Variants in SNRK observed in about 807,000 individuals in gnomAD.
SNRK encodes the protein SNF related kinase, also known as SNF-related serine/threonine-protein kinase.
In SNRK, 3 loss-of-function variants were observed where a neutral mutation model predicts 48.2. The observed-to-expected ratio is 0.06, with a 90% CI of 0.03 to 0.16. The LOEUF (loss-of-function observed/expected upper bound fraction) is 0.16, where lower values mean the gene tolerates loss of function less well. Among genes scored for constraint, SNRK ranks in the 10% least tolerant of loss-of-function variants. The pLI, the probability that SNRK is intolerant of heterozygous loss-of-function variation, is 1.00. For missense variants in SNRK, 627 were observed against 976.0 expected, an observed-to-expected ratio of 0.64 and a Z score of 4.76; for synonymous variants, 376 against 366.1, an observed-to-expected ratio of 1.03 and a Z score of -0.31.
chr3:43,337,575 A>AT (rs970205010), intron 4 of SNRK, among the ~76,000 whole-genome samples: 9 of 151,522 alleles, frequency 5.9e-5, no homozygotes. Flanking sequence ...TTTTTTTTTA[A>AT]TTTTTTTGTA....
At chr3:43,298,283 T>C (rs1190781371) in intron 1 of SNRK, among the ~76,000 whole-genome samples, 2 of 152,190 alleles carry the variant, frequency 1.3e-5, no homozygotes, top group African/African-American at 4.8e-5. Context: ...CAGTACTTAT[T>C]ACTGTACTAC....
At chr3:43,300,993 A>G (rs895752698) in intron 2 of SNRK, among the ~76,000 whole-genome samples, 7 of 152,240 alleles carry the variant, frequency 4.6e-5, no homozygotes, top group African/African-American at 1.4e-4. Flanking sequence ...GCCTAGGCCA[A>G]GTTACTGTGC....
chr3:43,335,502 C>T (rs1195758755), intron 4 of SNRK, among the ~76,000 whole-genome samples: 1 of 152,020 alleles, frequency 6.6e-6, no homozygotes, highest in African/African-American at 2.4e-5. Flanking sequence ...TTGCTTATGG[C>T]CTAGCATAAG....
Position 43,299,785 on chromosome 3 carries a change from A to G in SNRK, c.-137A>G, listed in dbSNP as rs1195303901. On this transcript the variant is annotated 5_prime_UTR_variant, in exon 2 of 7. It adds an upstream start codon to the 5' untranslated region. Transcript: ENST00000296088. ...GAAGCAACTAACAAAACACTGTGAT[A>G]ATAAGGATTATTCAGTATGCAGTTT... is the stretch of plus-strand genomic sequence containing the variant. The G allele has an allele frequency of 1.3e-5, 2 of 152,654 alleles. No individual in the cohort carries two copies. The highest frequency in any genetic ancestry group is 3.8e-4 in the East Asian group (2 of 5,202). 9.5% of individuals were successfully genotyped at this position (152,654 alleles called of 1,614,324 possible). A position where few individuals can be genotyped will look rare whatever the true frequency, so the allele number is the denominator to read the frequency against.
chr3:43,347,193 T>C lies in SNRK; in HGVS notation c.1080-146T>C. On this transcript the variant is annotated intron_variant, in intron 6 of 6. Transcript: ENST00000296088. This position sits in a 1 kb window ranked among gnomAD's most constrained non-coding sequence, Gnocchi z 5.4. Reference sequence around the variant, plus strand: ...CCCTTCTGGTGGCCTTGCTGATGTTTACAGGATGTTGAATGGGTTTGCAAG... The same window carrying C: ...CCCTTCTGGTGGCCTTGCTGATGTTCACAGGATGTTGAATGGGTTTGCAAG... 1 of 816,304 alleles carries C rather than the reference T, an allele frequency of 1.2e-6. No homozygotes were observed. Among genetic ancestry groups the C allele is most frequent in the Non-Finnish European group, 1.8e-6 (1 of 540,616 alleles). 50.6% of individuals were successfully genotyped at this position (816,304 alleles called of 1,614,324 possible). A position where few individuals can be genotyped will look rare whatever the true frequency, so the allele number is the denominator to read the frequency against.
intron 3 of SNRK, among the ~76,000 whole-genome samples, chr3:43,305,354 G>A (rs956793736): frequency 6.6e-6 from 1 of 151,966 alleles, no homozygotes; most frequent in Non-Finnish European, 1.5e-5. Flanking sequence ...GGAATAATTC[G>A]TTCAGTATTC....
At chr3:43,321,513 C>T (rs1446699051) in intron 3 of SNRK, among the ~76,000 whole-genome samples, 2 of 152,082 alleles carry the variant, frequency 1.3e-5, no homozygotes, top group South Asian at 2.1e-4. Context: ...GTATTTTGCT[C>T]GTAGCTGTCA....
intron 3 of SNRK, among the ~76,000 whole-genome samples, chr3:43,309,042 A>G (rs1575539257): frequency 6.6e-6 from 1 of 152,354 alleles, no homozygotes; most frequent in South Asian, 2.1e-4. Context: ...TGTGGTGGAA[A>G]TAGGAAGAGA....
chr3:43,297,494 T>C (rs1342762088), intron 1 of SNRK, among the ~76,000 whole-genome samples: 1 of 152,190 alleles, frequency 6.6e-6, no homozygotes, highest in Non-Finnish European at 1.5e-5. Context: ...TCTGGCCATA[T>C]ATTATGAATA....
intron 1 of SNRK, among the ~76,000 whole-genome samples, chr3:43,297,955 T>C (rs1211378285): frequency 6.6e-6 from 1 of 152,100 alleles, no homozygotes; most frequent in Admixed American, 6.5e-5. Context: ...GATAATAGTT[T>C]GGTGAATTCA....
At chr3:43,338,716 T>G (rs2091209643) in intron 4 of SNRK, among the ~76,000 whole-genome samples, 1 of 151,792 alleles carries the variant, frequency 6.6e-6, no homozygotes, top group East Asian at 1.9e-4. Context: ...CTTAATTTTA[T>G]CTTACATTAA....
intron 3 of SNRK, among the ~76,000 whole-genome samples, chr3:43,330,126 T>C (rs1248967785): frequency 6.6e-6 from 1 of 152,200 alleles, no homozygotes; most frequent in African/African-American, 2.4e-5. Context: ...TATGTATTAG[T>C]GGTTAGGTAT....
rs867534174 is a variant in SNRK, at chr3:43,339,818, A to T, written c.732-469A>T. Among the ~76,000 whole-genome samples the T allele has an allele frequency of 3.3e-4, 22 of 66,734 alleles. No homozygotes were observed. In the South Asian group the frequency reaches 7.0e-3, roughly 21 times the overall value. The allele number at this position is 66,734 out of a possible 152,430, so 43.8% of individuals were successfully genotyped here. A position where few individuals can be genotyped will look rare whatever the true frequency, so the allele number is the denominator to read the frequency against. On this transcript the variant is annotated intron_variant, in intron 4 of 6. Coordinates refer to ENST00000296088, the MANE Select transcript of SNRK (RefSeq NM_017719.5). ...CAATGGAGTGGGACTCCATTTCCAA[A>T]ATATATATATATATATATATATATA...
intron 3 of SNRK, among the ~76,000 whole-genome samples, chr3:43,306,506 CT>C (rs1259109520): frequency 2.0e-5 from 3 of 151,936 alleles, no homozygotes; most frequent in Non-Finnish European, 4.4e-5. Context: ...ATCAACTATA[CT>C]TTTTGTTTTA....
At chr3:43,312,399 A>G (rs2090985080) in intron 3 of SNRK, among the ~76,000 whole-genome samples, 1 of 152,204 alleles carries the variant, frequency 6.6e-6, no homozygotes, top group Non-Finnish European at 1.5e-5. Context: ...GTAAAAAACT[A>G]GACATCTTTT....
At chr3:43,343,302 T>C in intron 5 of SNRK, 42 bp from the exon 6 acceptor site, 1 of 1,540,960 alleles carries the variant, frequency 6.5e-7, no homozygotes, top group South Asian at 1.3e-5. Flanking sequence ...TAAAAAAACC[T>C]CCTGATATGG....
At chr3:43,320,692 T>G (rs1319355572) in intron 3 of SNRK, among the ~76,000 whole-genome samples, 2 of 152,148 alleles carry the variant, frequency 1.3e-5, no homozygotes, top group East Asian at 3.8e-4. Flanking sequence ...ATTTACCTAT[T>G]TTCAGAGTTT....
At chr3:43,286,752 A>C (rs938478844) in intron 1 of SNRK, 77 bp downstream of exon 1, 1 of 147,462 alleles carries the variant, frequency 6.8e-6, no homozygotes, top group Admixed American at 6.7e-5. Flanking sequence ...CCGCCTCAGT[A>C]GCCTCCGCTG....
chr3:43,319,719 T>G (rs2091040126), intron 3 of SNRK, among the ~76,000 whole-genome samples: 2 of 152,204 alleles, frequency 1.3e-5, no homozygotes, highest in African/African-American at 4.8e-5. Flanking sequence ...TTTATTTAAA[T>G]TAATGTTAAC....
Sources: allele counts gnomAD v4.1 joint callset (sites outside exome capture counted in the v4.1 genomes callset), GRCh38; gene constraint gnomAD v4.1.1; non-coding constraint Gnocchi (gnomAD v3.1); transcripts MANE v1.5; gene names NCBI Gene and HGNC (gene_info 2026-07-23, HGNC 2026-07-21).